Variants in HERC3 observed in about 807,000 individuals in gnomAD.
HERC3 encodes the protein HECT and RLD domain containing E3 ubiquitin protein ligase 3, also known as probable E3 ubiquitin-protein ligase HERC3.
HERC3 carries 58 observed loss-of-function variants against 129.9 expected under a neutral mutation model. The observed-to-expected ratio is 0.45, with a 90% CI of 0.36 to 0.56. HERC3 has a LOEUF of 0.56. Among genes scored for constraint, HERC3 ranks in the 20% least tolerant of loss-of-function variants. HERC3 has a pLI of 0.00. For synonymous variants in HERC3, 430 were observed against 451.0 expected (o/e 0.95, Z 0.59); for missense variants, 835 against 1,244.2 (o/e 0.67, Z 4.95).
intron 2 of HERC3, among the ~76,000 whole-genome samples, chr4:88,600,460 C>A (rs886301544): frequency 6.6e-6 from 1 of 152,132 alleles, no homozygotes; most frequent in Non-Finnish European, 1.5e-5. Flanking sequence ...ATATTTCTTA[C>A]TAATATACAC....
At chr4:88,677,134 CA>C (rs1051789931) in intron 18 of HERC3, among the ~76,000 whole-genome samples, 32 of 137,762 alleles carry the variant, frequency 2.3e-4, no homozygotes, top group South Asian at 2.3e-4. Context: ...GATTCTGTCT[CA>C]AAAAAAAAAA....
At chr4:88,635,877 GA>G (rs1287844140) in intron 3 of HERC3, among the ~76,000 whole-genome samples, 3 of 152,150 alleles carry the variant, frequency 2.0e-5, no homozygotes, top group Non-Finnish European at 2.9e-5. Context: ...TTTCAACCCA[GA>G]ATTTCATGTC....
the HERC3 span, among the ~76,000 whole-genome samples, chr4:88,582,512 C>T: frequency 1.3e-5 from 2 of 152,170 alleles, no homozygotes; most frequent in African/African-American, 2.4e-5. Context: ...GATAAGTTTT[C>T]TCTGAAGTTC....
chr4:88,680,930 A>G (rs1336379162), intron 20 of HERC3: 15 of 709,910 alleles, frequency 2.1e-5, no homozygotes, highest in Non-Finnish European at 2.6e-5. Flanking sequence ...GCTCTAGATG[A>G]CTGTGAGCTG....
intron 18 of HERC3, among the ~76,000 whole-genome samples, chr4:88,676,633 T>C (rs1732195305): frequency 1.3e-5 from 2 of 151,304 alleles, no homozygotes; most frequent in Non-Finnish European, 3.0e-5. Flanking sequence ...GGCAAAAGGA[T>C]GACTTAGTAA....
chr4:88,634,997 A>G (rs986158377), intron 3 of HERC3, among the ~76,000 whole-genome samples: 2 of 152,176 alleles, frequency 1.3e-5, no homozygotes, highest in Admixed American at 6.5e-5. Context: ...TCCTTATCCA[A>G]GGGTTAGCAG....
the HERC3 span, among the ~76,000 whole-genome samples, chr4:88,544,345 A>G: frequency 1.3e-5 from 2 of 152,256 alleles, no homozygotes; most frequent in African/African-American, 4.8e-5. Flanking sequence ...TCATTAGAGA[A>G]ATGCAAATCA....
chr4:88,642,608 C>T (rs139812518), intron 3 of HERC3, among the ~76,000 whole-genome samples: 6 of 152,334 alleles, frequency 3.9e-5, no homozygotes, highest in East Asian at 1.9e-4. Context: ...GCACTGTCAT[C>T]CTCATAGATG....
At chr4:88,530,192 AG>A in the HERC3 span, among the ~76,000 whole-genome samples, 4 of 152,116 alleles carry the variant, frequency 2.6e-5, no homozygotes, top group African/African-American at 9.7e-5. Context: ...CAGGAGGCTG[AG>A]GCAAGAGAAT....
chr4:88,631,784 A>G (rs1263741387), intron 3 of HERC3, among the ~76,000 whole-genome samples: 2 of 152,212 alleles, frequency 1.3e-5, no homozygotes, highest in East Asian at 1.9e-4. Context: ...GTTTAAAAGG[A>G]CACAAAGCAG....
rs1032916554 is a variant in HERC3 at position 88,708,443 on chromosome 4, G to C, written c.*1483G>C. 1.3e-5 allele frequency: 2 copies of C among 152,394 alleles called. No homozygotes were observed. Among genetic ancestry groups the C allele is most frequent in the Non-Finnish European group, 2.9e-5 (2 of 68,000 alleles). 9.4% of individuals were successfully genotyped at this position (152,394 alleles called of 1,614,324 possible). On this transcript the variant is annotated 3_prime_UTR_variant, in exon 26 of 26. Coordinates refer to ENST00000402738, the MANE Select transcript of HERC3 (RefSeq NM_014606.3). The stretch of plus-strand genomic sequence containing the variant: ...AGTTTTTCAGTCTTTATAAATACAG[G>C]ATTAAAAATATATATACAGTTATAT...
chr4:88,549,757 T>C, the HERC3 span, among the ~76,000 whole-genome samples: 1 of 151,326 alleles, frequency 6.6e-6, no homozygotes, highest in South Asian at 2.1e-4. Flanking sequence ...CAGATGGGAG[T>C]GCAGTGTCGC....
chr4:88,585,493 T>A, the HERC3 span, among the ~76,000 whole-genome samples: 1 of 151,274 alleles, frequency 6.6e-6, no homozygotes, highest in Non-Finnish European at 1.5e-5. Flanking sequence ...ATTCTATTGA[T>A]GATGAGACAA....
At chr4:88,679,141 TG>T (rs1337154721) in intron 19 of HERC3, among the ~76,000 whole-genome samples, 1 of 152,240 alleles carries the variant, frequency 6.6e-6, no homozygotes, top group East Asian at 1.9e-4. Context: ...TAGTACCCTA[TG>T]CATAAGGCTG....
At chr4:88,630,476 C>T (rs1385045229) in intron 3 of HERC3, among the ~76,000 whole-genome samples, 1 of 152,174 alleles carries the variant, frequency 6.6e-6, no homozygotes, top group Non-Finnish European at 1.5e-5. Context: ...CATTAAGATA[C>T]ATGAAACTGC....
chr4:88,563,119 A>T, the HERC3 span, among the ~76,000 whole-genome samples: 1 of 152,182 alleles, frequency 6.6e-6, no homozygotes, highest in African/African-American at 2.4e-5. Flanking sequence ...AATATTGATT[A>T]TTCCAATTTA....
At chr4:88,526,099 C>G in the HERC3 span, among the ~76,000 whole-genome samples, 13 of 152,190 alleles carry the variant, frequency 8.5e-5, no homozygotes, top group Non-Finnish European at 1.3e-4. Context: ...TAAAACAGCA[C>G]AGGGGCTAAC....
intron 21 of HERC3, among the ~76,000 whole-genome samples, chr4:88,685,403 A>G (rs903806937): frequency 3.3e-5 from 5 of 152,218 alleles, no homozygotes; most frequent in Admixed American, 6.5e-5. Context: ...CACACCATGG[A>G]ATACTATGCA....
chr4:88,543,324 C>T, the HERC3 span, among the ~76,000 whole-genome samples: 1 of 152,136 alleles, frequency 6.6e-6, no homozygotes, highest in African/African-American at 2.4e-5. Flanking sequence ...TGAGTGAACT[C>T]ACATTCATAA....
Sources: gnomAD v4.1 joint callset for allele counts (sites outside exome capture counted in the v4.1 genomes callset) on GRCh38, gnomAD v4.1.1 for gene constraint, MANE v1.5 for transcripts, NCBI Gene and HGNC (gene_info 2026-07-23, HGNC 2026-07-21) for gene names.